PEX5L: variants seen among roughly 807,000 people sequenced by gnomAD.
The protein encoded by PEX5L is PEX5-related protein.
In PEX5L, 30 loss-of-function variants were observed where a neutral mutation model predicts 84.0. That is an observed-to-expected ratio of 0.36 (90% CI 0.27 to 0.48). PEX5L has a LOEUF of 0.48. Ranked by LOEUF, PEX5L falls within the 20% of genes least tolerant of loss-of-function variation. The pLI, the probability that PEX5L is intolerant of heterozygous loss-of-function variation, is 0.99. For synonymous variants in PEX5L, 270 were observed against 283.1 expected (o/e 0.95, Z 0.46); for missense variants, 533 against 754.6 (o/e 0.71, Z 3.44).
chr3:179,890,253 C>G (rs920345915), intron 3 of PEX5L, among the ~76,000 whole-genome samples: 6 of 152,172 alleles, frequency 3.9e-5, no homozygotes, highest in Non-Finnish European at 7.3e-5. Context: ...CTGAATTCCA[C>G]TGTGTTATAC....
Position 179,971,607 on chromosome 3 carries a change from A to G in PEX5L, c.80T>C (p.Val27Ala), listed in dbSNP as rs1280747760. The change falls in exon 2 of 15, where the codon GTT (valine) becomes GCT (alanine). Residue 27 changes from valine to alanine, a missense_variant. Val to Ala is a moderately conservative substitution (Grantham distance 64). This residue lies in a region of PEX5L where 259 missense variants were observed against 301.7 expected (regional missense o/e 0.86). Coordinates refer to ENST00000467460, the MANE Select transcript of PEX5L (RefSeq NM_016559.3). ...GTATTCACTTACCTGCTTTTGATCA[A>G]CAATTATTTCGAGGTCTTCATCACT... ...LSSDEDLEIIVDQKQGKGSRA... is the reference protein window; with the variant it reads ...LSSDEDLEIIADQKQGKGSRA... 1 of 1,607,800 alleles carries G rather than the reference A, an allele frequency of 6.2e-7. No individual in the cohort carries two copies. The highest frequency in any genetic ancestry group is 2.2e-5 in the East Asian group (1 of 44,596).
At chr3:179,970,308 A>T (rs1784403589) in intron 2 of PEX5L, among the ~76,000 whole-genome samples, 1 of 152,030 alleles carries the variant, frequency 6.6e-6, no homozygotes, top group African/African-American at 2.4e-5. Context: ...ATCCCAGTCT[A>T]TGGGTGGGAT....
At chr3:179,835,358 G>A (rs903670065) in intron 8 of PEX5L, among the ~76,000 whole-genome samples, 12 of 148,182 alleles carry the variant, frequency 8.1e-5, no homozygotes, top group Non-Finnish European at 3.0e-5. Context: ...TGTTATTGTT[G>A]TTGCTTTTTT....
intron 2 of PEX5L, among the ~76,000 whole-genome samples, chr3:179,923,209 T>C (rs2109448080): frequency 7.0e-6 from 1 of 143,720 alleles, no homozygotes; most frequent in South Asian, 2.2e-4. Context: ...GAGAATGGCC[T>C]GAACCCGGGA....
At chr3:180,009,397 TATTAG>T (rs1479396230) in intron 1 of PEX5L, among the ~76,000 whole-genome samples, 1 of 152,180 alleles carries the variant, frequency 6.6e-6, no homozygotes, top group Non-Finnish European at 1.5e-5. Context: ...TCTTATCACT[TATTAG>T]ATTATATTCA....
chr3:179,938,603 C>T lies in PEX5L; in HGVS notation c.93+32991G>A, dbSNP rs529816683. Reference sequence around the variant, plus strand: ...CTTATCCACACAAAATAAGAGTTTACGGGAAAAATATCACAGAGGAACACA... The same window carrying T: ...CTTATCCACACAAAATAAGAGTTTATGGGAAAAATATCACAGAGGAACACA... On this transcript the variant is annotated intron_variant, in intron 2 of 14. Transcript: ENST00000467460. 9.2e-5 allele frequency among the ~76,000 whole-genome samples: 14 copies of T among 152,190 alleles called. No individual in the cohort carries two copies. In the East Asian group the frequency reaches 2.1e-3, roughly 23 times the overall value.
chr3:179,948,613 A>G (rs1226683983), intron 2 of PEX5L, among the ~76,000 whole-genome samples: 2 of 152,206 alleles, frequency 1.3e-5, no homozygotes, highest in Non-Finnish European at 2.9e-5. Flanking sequence ...GGAGCTACCA[A>G]TTCAATTCTG....
intron 2 of PEX5L, among the ~76,000 whole-genome samples, chr3:179,963,545 G>A (rs1278138908): frequency 2.6e-5 from 4 of 152,054 alleles, no homozygotes; most frequent in Non-Finnish European, 4.4e-5. Context: ...GACTCTTCCT[G>A]GATCTTAGAG....
intron 4 of PEX5L, among the ~76,000 whole-genome samples, chr3:179,887,311 A>G (rs1299569750): frequency 6.6e-6 from 1 of 152,074 alleles, no homozygotes; most frequent in Non-Finnish European, 1.5e-5. Context: ...GTTATACAAA[A>G]TATTTCCAGA....
intron 1 of PEX5L, chr3:179,973,466 T>G: frequency 1.8e-6 from 2 of 1,094,778 alleles, no homozygotes; most frequent in South Asian, 2.3e-5. Flanking sequence ...TTTTTATCCA[T>G]GCACTTCTAT....
chr3:179,891,903 C>T (rs1212075314), intron 3 of PEX5L, among the ~76,000 whole-genome samples: 4 of 152,026 alleles, frequency 2.6e-5, no homozygotes, highest in African/African-American at 4.8e-5. Context: ...CCAATTATTC[C>T]CTTTAAGCTT....
chr3:179,955,317 A>T (rs1466055361), intron 2 of PEX5L, among the ~76,000 whole-genome samples: 1 of 152,144 alleles, frequency 6.6e-6, no homozygotes, highest in Non-Finnish European at 1.5e-5. Flanking sequence ...AATTCCCTTC[A>T]AAACTATACA....
At chr3:179,899,434 G>A (rs1760527481) in intron 2 of PEX5L, among the ~76,000 whole-genome samples, 1 of 152,016 alleles carries the variant, frequency 6.6e-6, no homozygotes, top group South Asian at 2.1e-4. Flanking sequence ...ACCGACATAT[G>A]GGGGTCTAAT....
At chr3:179,930,266 C>A (rs1388421677) in intron 2 of PEX5L, among the ~76,000 whole-genome samples, 1 of 151,578 alleles carries the variant, frequency 6.6e-6, no homozygotes, top group Non-Finnish European at 1.5e-5. Flanking sequence ...GCTTTGTATA[C>A]CTTATTCTTT....
At chr3:179,868,472 G>T (rs1749154000) in intron 7 of PEX5L, among the ~76,000 whole-genome samples, 1 of 152,024 alleles carries the variant, frequency 6.6e-6, no homozygotes, top group Admixed American at 6.6e-5. Context: ...GGTTTAAATT[G>T]CTCTGGTTTG....
intron 7 of PEX5L, among the ~76,000 whole-genome samples, chr3:179,864,121 C>T (rs1449527773): frequency 6.6e-6 from 1 of 152,150 alleles, no homozygotes; most frequent in African/African-American, 2.4e-5. Flanking sequence ...GTCCATTAAA[C>T]CTCTTTCTTT....
At chr3:179,947,835 T>C (rs1246992884) in intron 2 of PEX5L, among the ~76,000 whole-genome samples, 1 of 151,314 alleles carries the variant, frequency 6.6e-6, no homozygotes, top group African/African-American at 2.4e-5. Context: ...GCCTCCCGAG[T>C]AGCTGGGACT....
intron 7 of PEX5L, among the ~76,000 whole-genome samples, chr3:179,868,562 T>C (rs1577833414): frequency 6.6e-6 from 1 of 152,282 alleles, no homozygotes; most frequent in East Asian, 1.9e-4. Flanking sequence ...AAGCTGTCTT[T>C]TGTTGGGGAA....
At chr3:179,983,273 A>G (rs1418652379) in intron 1 of PEX5L, among the ~76,000 whole-genome samples, 1 of 151,978 alleles carries the variant, frequency 6.6e-6, no homozygotes, top group Non-Finnish European at 1.5e-5. Flanking sequence ...ATATTAATAC[A>G]CATATATCCA....
Sources: gnomAD v4.1 joint callset for allele counts (sites outside exome capture counted in the v4.1 genomes callset) on GRCh38, gnomAD v4.1.1 for gene constraint, gnomAD v4.1.1 regional missense constraint, MANE v1.5 for transcripts, NCBI Gene and HGNC (gene_info 2026-07-23, HGNC 2026-07-21) for gene names.